Variants in C4BPA observed in about 807,000 individuals in gnomAD.
C4BPA encodes the protein complement component 4 binding protein alpha, also known as C4b-binding protein alpha chain.
In C4BPA, 31 loss-of-function variants were observed where a neutral mutation model predicts 63.7. That is an observed-to-expected ratio of 0.49 (90% confidence interval 0.37 to 0.66). The LOEUF is 0.66. Ranked by LOEUF, C4BPA falls within the 30% of genes least tolerant of loss-of-function variation. The pLI, the probability that C4BPA is intolerant of heterozygous loss-of-function variation, is 0.00. For missense variants in C4BPA, 572 were observed against 723.3 expected (o/e 0.79, Z 2.40); for synonymous variants, 259 against 254.7 (o/e 1.02, Z -0.16).
At chr1:207,107,418 A>G (rs1173791593) in intron 1 of C4BPA, among the ~76,000 whole-genome samples, 1 of 152,138 alleles carries the variant, frequency 6.6e-6, no homozygotes, top group African/African-American at 2.4e-5. Flanking sequence ...GTGTGATGGC[A>G]CGCTCCTGTG....
chr1:207,107,064 A>G (rs1274726539), intron 1 of C4BPA, among the ~76,000 whole-genome samples: 1 of 152,212 alleles, frequency 6.6e-6, no homozygotes, highest in Non-Finnish European at 1.5e-5. Flanking sequence ...CAATGCTACA[A>G]TTAAGGTATT....
At chr1:207,123,792 G>A (rs1419817458) in intron 4 of C4BPA, 130 bp from the exon 5 acceptor site, 5 of 622,070 alleles carry the variant, frequency 8.0e-6, no homozygotes, top group Non-Finnish European at 1.4e-5. Flanking sequence ...AGTGCTTAAT[G>A]GGAAATGATA....
At position 207,124,686 on chromosome 1, in the gene C4BPA, C is replaced by T. The variant is rs143563925; in HGVS notation, c.706+320C>T. Among the ~76,000 whole-genome samples the T allele has an allele frequency of 1.2e-4, 18 of 152,118 alleles. No individual in the cohort carries two copies. In the South Asian group the frequency reaches 1.4e-3, roughly 12 times the overall value. On this transcript the variant is annotated intron_variant, in intron 6 of 11. Transcript: ENST00000367070. ...TGTCCAGGAGACTCTCCAGGGCAGC[C>T]GTAGTCTGTGTTAGCTTAGCAACTA...
At chr1:207,114,358 T>G in intron 3 of C4BPA, 73 bp downstream of exon 3, 1 of 1,186,332 alleles carries the variant, frequency 8.4e-7, no homozygotes, top group Non-Finnish European at 1.2e-6. Flanking sequence ...CTAAATTTTC[T>G]GAATCTTTAG....
At chr1:207,114,005 G>T in intron 2 of C4BPA, 95 bp from the exon 3 acceptor site, 1 of 1,067,364 alleles carries the variant, frequency 9.4e-7, no homozygotes, top group East Asian at 2.4e-5. Context: ...TTCTTGAAAA[G>T]AACGATCCCT....
chr1:207,118,738 G>T (rs1284194130), intron 4 of C4BPA, among the ~76,000 whole-genome samples: 1 of 152,112 alleles, frequency 6.6e-6, no homozygotes, highest in Non-Finnish European at 1.5e-5. Flanking sequence ...ATTCTCTTAG[G>T]ATTATCTGGT....
At chr1:207,140,477 T>C (rs1465063151) in intron 9 of C4BPA, among the ~76,000 whole-genome samples, 1 of 152,110 alleles carries the variant, frequency 6.6e-6, no homozygotes, top group Non-Finnish European at 1.5e-5. Flanking sequence ...TATAGTACTT[T>C]GTCCGACATT....
intron 4 of C4BPA, among the ~76,000 whole-genome samples, chr1:207,120,862 G>A (rs902827292): frequency 4.6e-5 from 7 of 152,210 alleles, no homozygotes; most frequent in Non-Finnish European, 8.8e-5. Flanking sequence ...AGGCTGGAGT[G>A]CAGTGGTGCA....
In C4BPA at chr1:207,124,285, C is replaced by G. The variant is rs145177697; in HGVS notation, c.625C>G (p.Leu209Val). The G allele has an allele frequency of 1.4e-5, 22 of 1,613,818 alleles. No individual in the cohort carries two copies. Among genetic ancestry groups the G allele is most frequent in the Non-Finnish European group, 1.7e-5 (20 of 1,179,900 alleles). ...VTYSCDPRFS[L>V]LGHASISCTV... ...CTACAGCTGTGACCCCCGCTTCTCA[C>G]TCTTGGGCCATGCCTCCATTTCTTG... The change falls in exon 6 of 12, where the codon CTC (leucine) becomes GTC (valine). Residue 209 changes from leucine (L) to valine (V), a missense_variant. Transcript: ENST00000367070.
At chr1:207,120,517 C>T (rs1020364433) in intron 4 of C4BPA, among the ~76,000 whole-genome samples, 1 of 152,128 alleles carries the variant, frequency 6.6e-6, no homozygotes, top group Middle Eastern at 3.2e-3. Flanking sequence ...GTAATTCCAA[C>T]ACTTTGAGAG....
chr1:207,122,846 T>C (rs1684948229), intron 4 of C4BPA, among the ~76,000 whole-genome samples: 1 of 152,188 alleles, frequency 6.6e-6, no homozygotes. Context: ...AGTACTGGTA[T>C]TACAGGAGTA....
chr1:207,125,538 G>A (rs1196188405), intron 6 of C4BPA, among the ~76,000 whole-genome samples: 1 of 152,080 alleles, frequency 6.6e-6, no homozygotes, highest in East Asian at 1.9e-4. Context: ...AATGGGATTA[G>A]TGCCCTTATA....
In C4BPA at chr1:207,132,879, G is replaced by A. The variant is rs1048157282; in HGVS notation, c.1084+1139G>A. ...TCTCTACAAATAATTTAAAAAATTAGCGGGATGTGGTGGCACACGTCTGTA... is the reference window on the plus strand; with the variant it reads ...TCTCTACAAATAATTTAAAAAATTAACGGGATGTGGTGGCACACGTCTGTA... On this transcript the variant is annotated intron_variant, in intron 8 of 11. Transcript: ENST00000367070. Among the ~76,000 whole-genome samples the A allele has an allele frequency of 1.2e-4, 19 of 152,140 alleles. 1 individual carries two copies. The highest frequency in any genetic ancestry group is 4.3e-4 in the African/African-American group (18 of 41,508).
At position 207,124,385 on chromosome 1, in the gene C4BPA, T is replaced by A. The variant is rs1684988435; in HGVS notation, c.706+19T>A. On this transcript the variant is annotated intron_variant, in intron 6 of 11. Transcript: ENST00000367070. ...TGTGAAAGTAAGTCATAATGATGAA[T>A]TCTGCATCAAAATGTTTGCTCTCTT... The A allele has an allele frequency of 1.3e-6, 2 of 1,556,174 alleles. No homozygotes were observed.
At chr1:207,111,533 A>G (rs1684667956) in intron 1 of C4BPA, among the ~76,000 whole-genome samples, 1 of 152,188 alleles carries the variant, frequency 6.6e-6, no homozygotes, top group Non-Finnish European at 1.5e-5. Context: ...GTCTTTACTC[A>G]ATGAAGAAAT....
At chr1:207,111,431 G>T (rs998710978) in intron 1 of C4BPA, among the ~76,000 whole-genome samples, 1 of 152,214 alleles carries the variant, frequency 6.6e-6, no homozygotes, top group Non-Finnish European at 1.5e-5. Flanking sequence ...CATGGGACAG[G>T]ACGTGTGTGA....
Position 207,134,481 on chromosome 1 carries a change from G to T in C4BPA, c.1162G>T (p.Val388Phe), listed in dbSNP as rs1685236531. The T allele has an allele frequency of 1.2e-6, 2 of 1,613,656 alleles. No individual in the cohort carries two copies. Among genetic ancestry groups the T allele is most frequent in the South Asian group, 2.2e-5 (2 of 91,076 alleles). ...HRKSRPANHCVYFYGDEISFS... is the reference protein window; with the variant it reads ...HRKSRPANHCFYFYGDEISFS... Reference sequence around the variant, plus strand: ...GAAAAGTCGTCCTGCCAATCACTGTGTTTATTTCTATGGAGATGAGATTTC... The same window carrying T: ...GAAAAGTCGTCCTGCCAATCACTGTTTTTATTTCTATGGAGATGAGATTTC... The change falls in exon 9 of 12, where the codon GTT (valine) becomes TTT (phenylalanine). Residue 388 changes from valine (V) to phenylalanine (F), a missense_variant. Around this residue, in one of 2 missense-constraint regions of C4BPA, gnomAD observed 465 missense variants for 629.4 expected, o/e 0.74. Transcript: ENST00000367070.
At chr1:207,128,827 G>T (rs1172482161) in intron 7 of C4BPA, among the ~76,000 whole-genome samples, 2 of 152,114 alleles carry the variant, frequency 1.3e-5, no homozygotes, top group Admixed American at 6.6e-5. Context: ...AATATCCAAA[G>T]TTGCTGCAAT....
At position 207,126,813 on chromosome 1, in the gene C4BPA, AG is replaced by A. The variant is rs1685054155; in HGVS notation, c.809del (p.Gly270ValfsTer9). The part of the protein sequence containing the change: ...KDTIVFKCQK[G>X]FVLRGSSVIH... ...ACACTATTGTGTTTAAGTGCCAAAA[AG>A]GTTTTGTTCTCAGAGGCAGCAGTGT... On this transcript the variant is annotated frameshift_variant, in exon 7 of 12. Coordinates refer to ENST00000367070, the MANE Select transcript of C4BPA (RefSeq NM_000715.4). LOFTEE classifies it high-confidence loss of function. 1.2e-6 allele frequency: 2 copies of A among 1,613,406 alleles called. No homozygotes were observed. Among genetic ancestry groups the A allele is most frequent in the Non-Finnish European group, 1.7e-6 (2 of 1,179,564 alleles).
Sources: allele counts gnomAD v4.1 joint callset (sites outside exome capture counted in the v4.1 genomes callset), GRCh38; gene constraint gnomAD v4.1.1; regional missense constraint gnomAD v4.1.1; transcripts MANE v1.5; gene names NCBI Gene and HGNC (gene_info 2026-07-23, HGNC 2026-07-21).